The following CDYL variants were observed in gnomAD, a reference collection of about 807,000 sequenced individuals.
CDYL encodes the protein chromodomain Y-like protein.
In CDYL, 8 loss-of-function variants were observed where a neutral mutation model predicts 47.3. The ratio of observed to expected loss-of-function variants is 0.17; its 90% CI spans 0.10 to 0.31. The LOEUF is 0.31. Ranked by LOEUF, CDYL falls within the 10% of genes least tolerant of loss-of-function variation. The pLI, the probability that CDYL is intolerant of heterozygous loss-of-function variation, is 1.00. For missense variants in CDYL, 471 were observed against 701.4 expected (o/e 0.67, Z 3.71); for synonymous variants, 266 against 265.0 (o/e 1.00, Z -0.04).
chr6:4,784,499 A>T (rs1758700570), intron 1 of CDYL, among the ~76,000 whole-genome samples: 1 of 152,222 alleles, frequency 6.6e-6, no homozygotes, highest in Non-Finnish European at 1.5e-5. Context: ...TTACCTGATG[A>T]TATTGAAAAT....
chr6:4,758,210 A>T (rs1022335391), intron 3 of CDYL, among the ~76,000 whole-genome samples: 12 of 151,592 alleles, frequency 7.9e-5, no homozygotes, highest in Middle Eastern at 3.4e-3. Context: ...GTGGTGGCTC[A>T]TGCCTGTAGT....
rs1333803731 is a variant in CDYL at position 4,955,054 on chromosome 6, T to A, written c.*998T>A. 9 of 152,760 alleles carry A rather than the reference T, an allele frequency of 5.9e-5. No individual in the cohort carries two copies. In the East Asian group the frequency reaches 1.7e-3, roughly 29 times the overall value. The allele number at this position is 152,760 out of a possible 1,614,324, so 9.5% of individuals were successfully genotyped here. A position where few individuals can be genotyped will look rare whatever the true frequency, so the allele number is the denominator to read the frequency against. ...AGTTAAAATTCTTTTGGCACACTATTAAATGCAAAAACTCCTTTCAAAACA... is the reference window on the plus strand; with the variant it reads ...AGTTAAAATTCTTTTGGCACACTATAAAATGCAAAAACTCCTTTCAAAACA... On this transcript the variant is annotated 3_prime_UTR_variant, in exon 7 of 7. Transcript: ENST00000397588.
chr6:4,789,746 C>G (rs1017639728), intron 1 of CDYL, among the ~76,000 whole-genome samples: 15 of 152,200 alleles, frequency 9.9e-5, no homozygotes, highest in African/African-American at 3.4e-4. Context: ...CTATCTGGCT[C>G]TTTCCCACCT....
chr6:4,810,117 ATG>A (rs896825585), intron 1 of CDYL, among the ~76,000 whole-genome samples: 1 of 151,950 alleles, frequency 6.6e-6, no homozygotes, highest in South Asian at 2.1e-4. Context: ...ATCTTGGTGT[ATG>A]TGTGTGTGTT....
intron 2 of CDYL, among the ~76,000 whole-genome samples, chr6:4,894,164 A>G (rs1762129905): frequency 6.6e-6 from 1 of 152,244 alleles, no homozygotes; most frequent in Non-Finnish European, 1.5e-5. Context: ...TTTTGCAGTT[A>G]GGGAAGTCGA....
At chr6:4,798,630 G>A (rs1759141197) in intron 1 of CDYL, among the ~76,000 whole-genome samples, 1 of 152,172 alleles carries the variant, frequency 6.6e-6, no homozygotes, top group African/African-American at 2.4e-5. Context: ...TCTTCATAAG[G>A]TATGTCAGTC....
intron 1 of CDYL, among the ~76,000 whole-genome samples, chr6:4,842,198 T>C (rs1561664788): frequency 2.1e-5 from 3 of 144,182 alleles, no homozygotes. Flanking sequence ...ATATAAATAA[T>C]ATAAATAATA....
At chr6:4,939,993 G>A (rs1462562086) in intron 4 of CDYL, among the ~76,000 whole-genome samples, 1 of 149,382 alleles carries the variant, frequency 6.7e-6, no homozygotes, top group African/African-American at 2.4e-5. Context: ...TGCCTCGCCG[G>A]GTGCAGCTCA....
At position 4,776,805 on chromosome 6, in the gene CDYL, G is replaced by A; in HGVS notation, c.22G>A (p.Glu8Lys). ...CACCATGGCTTCCGAGGAGCTGTAC[G>A]AGGTACCTCCCCTCCCCCCGGCCTC... MASEELY[E>K]VERIVDKRKN... The change falls in exon 1 of 7, where the codon GAG becomes AAG. Residue 8 changes from glutamate to lysine, a missense_variant and splice_region_variant. Coordinates refer to ENST00000397588, the MANE Select transcript of CDYL (RefSeq NM_004824.4). 2 of 1,107,356 alleles carry A rather than the reference G, an allele frequency of 1.8e-6. No homozygotes were observed. The highest frequency in any genetic ancestry group is 2.2e-6 in the Non-Finnish European group (2 of 895,356). 68.6% of individuals were successfully genotyped at this position (1,107,356 alleles called of 1,614,324 possible).
At chr6:4,945,674 T>C (rs1758491374) in intron 5 of CDYL, among the ~76,000 whole-genome samples, 2 of 152,240 alleles carry the variant, frequency 1.3e-5, no homozygotes, top group South Asian at 2.1e-4. Flanking sequence ...TTGTACTGTA[T>C]GTGCTACAAA....
intron 5 of CDYL, among the ~76,000 whole-genome samples, chr6:4,951,761 TAAAG>T (rs200043886): frequency 0.017 from 2,653 of 152,220 alleles, 32 homozygotes; most frequent in South Asian, 0.031. Context: ...GCCTCCCAGA[TAAAG>T]AAAAGGTTTG....
intron 2 of CDYL, among the ~76,000 whole-genome samples, chr6:4,919,853 T>C (rs1757661452): frequency 6.6e-6 from 1 of 152,196 alleles, no homozygotes; most frequent in African/African-American, 2.4e-5. Context: ...GCGGTTCTAT[T>C]TCTAGGTATA....
rs1474042734 is a variant in CDYL at position 4,926,413 on chromosome 6, C to T, written c.692-9102C>T. The stretch of plus-strand genomic sequence containing the variant: ...TTGCTTTTTAACTTCAGACCAAAGA[C>T]AACAGTGGTCATTAATATCCAAGAT... On this transcript the variant is annotated intron_variant, in intron 2 of 6. Coordinates refer to ENST00000397588, the MANE Select transcript of CDYL (RefSeq NM_004824.4). 3.3e-5 allele frequency among the ~76,000 whole-genome samples: 5 copies of T among 152,212 alleles called. 1 individual carries two copies. The highest frequency in any genetic ancestry group is 2.6e-4 in the Admixed American group (4 of 15,284).
intron 3 of CDYL, among the ~76,000 whole-genome samples, chr6:4,748,674 C>CACACACACACAA (rs1554133594): frequency 1.3e-5 from 2 of 151,546 alleles, no homozygotes; most frequent in African/African-American, 4.9e-5. Context: ...CACACACACA[C>CACACACACACAA]ACACACAAAC....
At chr6:4,903,974 C>T (rs1460847373) in intron 2 of CDYL, among the ~76,000 whole-genome samples, 1 of 152,200 alleles carries the variant, frequency 6.6e-6, no homozygotes, top group East Asian at 1.9e-4. Context: ...CTTGGCATTG[C>T]AGAGCCCCTG....
intron 5 of CDYL, among the ~76,000 whole-genome samples, chr6:4,947,701 A>G (rs988893416): frequency 2.6e-5 from 4 of 152,132 alleles, no homozygotes; most frequent in African/African-American, 9.7e-5. Context: ...TTTCTCTGGA[A>G]GCTAAGATAG....
At position 4,819,116 on chromosome 6, in the gene CDYL, TTCTCTCTCTCTCTC is replaced by T. The variant is rs373718294; in HGVS notation, c.24+42343_24+42356del. 2.8e-3 allele frequency among the ~76,000 whole-genome samples: 215 copies of T among 76,702 alleles called. 1 individual carries two copies. Among genetic ancestry groups the T allele is most frequent in the Middle Eastern group, 8.2e-3 (1 of 122 alleles). 50.3% of individuals were successfully genotyped at this position (76,702 alleles called of 152,430 possible). ...CTGGCTCTTTTTCTTTTTAGGTTCG[TTCTCTCTCTCTCTC>T]TCTCTCTCTCTCTCTCTCTCTCTCT... is the stretch of plus-strand genomic sequence containing the variant. On this transcript the variant is annotated intron_variant, in intron 1 of 6. Transcript: ENST00000397588.
At chr6:4,771,127 C>CG (rs1758332020) in intron 3 of CDYL, among the ~76,000 whole-genome samples, 2 of 150,490 alleles carry the variant, frequency 1.3e-5, no homozygotes, top group Non-Finnish European at 1.5e-5. Context: ...TTTTTTTTGG[C>CG]GGGGGGGATG....
At chr6:4,935,440 C>A in intron 2 of CDYL, 75 bp from the exon 3 acceptor site, 2 of 1,237,218 alleles carry the variant, frequency 1.6e-6, no homozygotes, top group South Asian at 1.3e-5. Flanking sequence ...CATCTTTATC[C>A]AATTCAAAGA....
Sources: gnomAD v4.1 joint callset for allele counts (sites outside exome capture counted in the v4.1 genomes callset) on GRCh38, gnomAD v4.1.1 for gene constraint, MANE v1.5 for transcripts, NCBI Gene and HGNC (gene_info 2026-07-23, HGNC 2026-07-21) for gene names.